The following C2orf76 variants were observed in gnomAD, a reference collection of about 807,000 sequenced individuals.
The protein encoded by C2orf76 is UPF0538 protein C2orf76.
Under a neutral mutation model 16.9 loss-of-function variants are expected in C2orf76, and 23 were observed. The ratio of observed to expected loss-of-function variants is 1.36; its 90% CI spans 0.98 to 1.93. The LOEUF (loss-of-function observed/expected upper bound fraction) is 1.93. C2orf76 is among the 30% of genes most tolerant of loss of function. The pLI, the probability that C2orf76 is intolerant of heterozygous loss-of-function variation, is 0.00. For synonymous variants in C2orf76, 48 were observed against 52.3 expected, an observed-to-expected ratio of 0.92 and a Z score of 0.35; for missense variants, 152 against 152.6, an observed-to-expected ratio of 1.00 and a Z score of 0.02.
chr2:119,349,248 C>G (rs148155897), intron 1 of C2orf76, among the ~76,000 whole-genome samples: 1 of 152,152 alleles, frequency 6.6e-6, no homozygotes, highest in African/African-American at 2.4e-5. Flanking sequence ...TGTATTTTCA[C>G]TTTTCTGATA....
the C2orf76 span, among the ~76,000 whole-genome samples, chr2:119,284,683 T>G: frequency 3.4e-5 from 5 of 147,338 alleles, no homozygotes; most frequent in Admixed American, 2.7e-4. Flanking sequence ...GGATTTTGGT[T>G]TTTTTTTTTT....
intron 1 of C2orf76, among the ~76,000 whole-genome samples, chr2:119,362,025 C>T (rs1325544272): frequency 6.6e-6 from 1 of 152,076 alleles, no homozygotes; most frequent in Non-Finnish European, 1.5e-5. Flanking sequence ...AGGAGTCCAA[C>T]TTCTATTTTT....
chr2:119,309,319 A>C (rs1213730528), intron 5 of C2orf76, among the ~76,000 whole-genome samples: 3 of 151,636 alleles, frequency 2.0e-5, no homozygotes, highest in African/African-American at 7.3e-5. Flanking sequence ...TCTTCTATCA[A>C]TAGAATTTTT....
the C2orf76 span, among the ~76,000 whole-genome samples, chr2:119,287,709 T>C: frequency 2.0e-5 from 3 of 152,172 alleles, no homozygotes; most frequent in African/African-American, 7.2e-5. Context: ...CATGAAGTTC[T>C]GGTTATGAAG....
chr2:119,331,670 C>A (rs537924413), intron 2 of C2orf76, among the ~76,000 whole-genome samples: 1 of 152,252 alleles, frequency 6.6e-6, no homozygotes, highest in South Asian at 2.1e-4. Context: ...CGCCCTGTGG[C>A]CTGGAAAGTG....
the C2orf76 span, among the ~76,000 whole-genome samples, chr2:119,294,933 G>C: frequency 6.6e-6 from 1 of 152,152 alleles, no homozygotes; most frequent in African/African-American, 2.4e-5. Context: ...CTCAAGTCAG[G>C]GAGTGGGATA....
the C2orf76 span, among the ~76,000 whole-genome samples, chr2:119,295,237 G>T: frequency 6.6e-6 from 1 of 152,046 alleles, no homozygotes; most frequent in Non-Finnish European, 1.5e-5. Context: ...AGATAGCTGC[G>T]GTCAGCCAGG....
intron 1 of C2orf76, among the ~76,000 whole-genome samples, chr2:119,361,232 G>A (rs1419971003): frequency 3.3e-5 from 5 of 152,094 alleles, no homozygotes; most frequent in African/African-American, 1.2e-4. Context: ...TGTTACCCAC[G>A]GCCAACCACT....
intron 4 of C2orf76, among the ~76,000 whole-genome samples, chr2:119,315,866 CT>C (rs1046613311): frequency 6.6e-6 from 1 of 152,176 alleles, no homozygotes; most frequent in African/African-American, 2.4e-5. Context: ...ATTGTTTTGT[CT>C]TCCGATGACA....
chr2:119,331,983 C>T (rs1463405326), intron 2 of C2orf76, among the ~76,000 whole-genome samples: 2 of 151,868 alleles, frequency 1.3e-5, no homozygotes, highest in Non-Finnish European at 2.9e-5. Flanking sequence ...GAGAAGGTAA[C>T]CACTAACTTT....
chr2:119,342,917 G>A (rs1166060726), intron 1 of C2orf76, among the ~76,000 whole-genome samples: 1 of 151,982 alleles, frequency 6.6e-6, no homozygotes, highest in Non-Finnish European at 1.5e-5. Flanking sequence ...CTACAGGTAC[G>A]CGCCACCAGG....
chr2:119,366,901 T>C (rs1681034284), upstream of C2orf76: 1 of 1,004,202 alleles, frequency 1.0e-6, no homozygotes, highest in Non-Finnish European at 1.5e-6. Flanking sequence ...AGCGCATAGC[T>C]GGCTTCTGAT....
intron 1 of C2orf76, among the ~76,000 whole-genome samples, chr2:119,355,988 T>C (rs1050711226): frequency 3.9e-5 from 6 of 152,186 alleles, no homozygotes; most frequent in African/African-American, 1.4e-4. Flanking sequence ...AACAATGTGT[T>C]CTCTGACCAC....
chr2:119,334,336 A>G (rs1679770481), intron 2 of C2orf76, among the ~76,000 whole-genome samples: 1 of 145,948 alleles, frequency 6.9e-6, no homozygotes, highest in African/African-American at 2.5e-5. Context: ...CAAAAACCCA[A>G]AGAACTTTGT....
chr2:119,306,506 A>G (rs1296818406), intron 5 of C2orf76, among the ~76,000 whole-genome samples: 3 of 152,188 alleles, frequency 2.0e-5, no homozygotes, highest in Non-Finnish European at 4.4e-5. Flanking sequence ...AATGTTTCCA[A>G]TGAAACACAA....
chr2:119,304,824 G>A (rs1203634482), intron 5 of C2orf76, among the ~76,000 whole-genome samples: 1 of 152,206 alleles, frequency 6.6e-6, no homozygotes, highest in East Asian at 1.9e-4. Context: ...AATGATTTCA[G>A]GGACTTATGC....
At chr2:119,283,793 T>C in the C2orf76 span, among the ~76,000 whole-genome samples, 1 of 152,282 alleles carries the variant, frequency 6.6e-6, no homozygotes, top group East Asian at 1.9e-4. Context: ...CAATGTTTAA[T>C]GACCCAAACT....
chr2:119,313,322 TAC>T (rs1220319703), intron 4 of C2orf76, among the ~76,000 whole-genome samples: 4 of 152,074 alleles, frequency 2.6e-5, no homozygotes, highest in Non-Finnish European at 4.4e-5. Context: ...GAATAGGTAA[TAC>T]AGTCTGTAAT....
chr2:119,348,602 C>T (rs1220236038), intron 1 of C2orf76, among the ~76,000 whole-genome samples: 1 of 152,134 alleles, frequency 6.6e-6, no homozygotes, highest in African/African-American at 2.4e-5. Context: ...AGGAGATTCG[C>T]TTGAACCGGG....
Sources: gnomAD v4.1 joint callset for allele counts (sites outside exome capture counted in the v4.1 genomes callset) on GRCh38, gnomAD v4.1.1 for gene constraint, MANE v1.5 for transcripts, NCBI Gene and HGNC (gene_info 2026-07-23, HGNC 2026-07-21) for gene names.